Variants in KIRREL3 observed in about 807,000 individuals in gnomAD.
KIRREL3 encodes kirre like nephrin family adhesion molecule 3.
In KIRREL3, 36 loss-of-function variants were observed where a neutral mutation model predicts 89.7. The ratio of observed to expected loss-of-function variants is 0.40; its 90% CI spans 0.31 to 0.53. The LOEUF is 0.53. KIRREL3 is among the 20% of genes least tolerant of loss of function. KIRREL3 has a pLI of 0.49. For synonymous variants in KIRREL3, 445 were observed against 441.4 expected, an observed-to-expected ratio of 1.01 and a Z score of -0.10; for missense variants, 864 against 1,056.6, an observed-to-expected ratio of 0.82 and a Z score of 2.53.
At chr11:126,815,527 T>A (rs1951535655) in intron 1 of KIRREL3, among the ~76,000 whole-genome samples, 1 of 152,154 alleles carries the variant, frequency 6.6e-6, no homozygotes, top group African/African-American at 2.4e-5. Context: ...TGTGAGCTAT[T>A]ATAATTTTAT....
chr11:126,588,642 ATGCTG>A, intron 1 of KIRREL3, among the ~76,000 whole-genome samples: 1 of 152,332 alleles, frequency 6.6e-6, no homozygotes, highest in East Asian at 1.9e-4. Flanking sequence ...AGCATTGAAC[ATGCTG>A]TAACATTCTA....
chr11:126,691,003 T>C (rs1163516173), intron 1 of KIRREL3, among the ~76,000 whole-genome samples: 1 of 152,232 alleles, frequency 6.6e-6, no homozygotes, highest in Non-Finnish European at 1.5e-5. Context: ...AAGTTCTTAT[T>C]TGGATTAAAG....
rs1945913335 is a variant in KIRREL3, at chr11:126,891,359, T to A, written c.55+109096A>T. ...TTCAGACATTGGTGGAAAAAAGATA[T>A]AATTTTAATTATCAGCAGCTCCACT... On this transcript the variant is annotated intron_variant, in intron 1 of 16. Coordinates refer to ENST00000525144, the MANE Select transcript of KIRREL3 (RefSeq NM_032531.4). The surrounding 1 kb of genome is among the most constrained non-coding windows in gnomAD (Gnocchi z 5.1). Among the ~76,000 whole-genome samples, 1 of 152,198 alleles carries A rather than the reference T, an allele frequency of 6.6e-6. No individual in the cohort carries two copies. The highest frequency in any genetic ancestry group is 2.4e-5 in the African/African-American group (1 of 41,446).
chr11:126,728,966 C>A (rs1488898739), intron 1 of KIRREL3, among the ~76,000 whole-genome samples: 1 of 152,344 alleles, frequency 6.6e-6, no homozygotes, highest in East Asian at 1.9e-4. Context: ...AGGGCAATGG[C>A]TGGGCAGTGG....
At chr11:126,512,671 C>T (rs1958262383) in intron 4 of KIRREL3, among the ~76,000 whole-genome samples, 2 of 152,152 alleles carry the variant, frequency 1.3e-5, no homozygotes, top group East Asian at 3.9e-4. Flanking sequence ...CTGACTTTTG[C>T]AAATCTCCAC....
rs188784957 is a variant in KIRREL3, at chr11:126,453,413, G to A, written c.848+2936C>T. 1.3e-3 allele frequency among the ~76,000 whole-genome samples: 204 copies of A among 152,302 alleles called. 1 individual carries two copies. Among genetic ancestry groups the A allele is most frequent in the Non-Finnish European group, 2.7e-3 (181 of 68,026 alleles). The stretch of plus-strand genomic sequence containing the variant: ...TCCAGGCACTGGGATGGAGGAGGGC[G>A]TTATCTCTAGCTTCAGAGATGACAG... On this transcript the variant is annotated intron_variant, in intron 7 of 16. Transcript: ENST00000525144.
At chr11:126,514,301 A>C (rs1040071290) in intron 4 of KIRREL3, among the ~76,000 whole-genome samples, 7 of 152,174 alleles carry the variant, frequency 4.6e-5, no homozygotes, top group Admixed American at 2.0e-4. Context: ...AGCACAAATG[A>C]GATACGGCAC....
intron 1 of KIRREL3, among the ~76,000 whole-genome samples, chr11:126,863,563 G>C (rs1409116492): frequency 6.6e-6 from 1 of 150,394 alleles, no homozygotes; most frequent in African/African-American, 2.5e-5. Flanking sequence ...GCATGTGTGA[G>C]TGTGTTTGAC....
rs547008130 is a variant in KIRREL3 at position 126,900,554 on chromosome 11, G to A, written c.55+99901C>T. Among the ~76,000 whole-genome samples, 5 of 151,772 alleles carry A rather than the reference G, an allele frequency of 3.3e-5. No homozygotes were observed. The South Asian group carries it at 8.3e-4, about 25-fold the overall frequency. On this transcript the variant is annotated intron_variant, in intron 1 of 16. Coordinates refer to ENST00000525144, the MANE Select transcript of KIRREL3 (RefSeq NM_032531.4). This position sits in a 1 kb window ranked among gnomAD's most constrained non-coding sequence, Gnocchi z 4.4. ...CTTCTGAGGCCTGTTTTCTCTGTTGGAAAAAAAATAGATTTAAGATAATGG... is the reference window on the plus strand; with the variant it reads ...CTTCTGAGGCCTGTTTTCTCTGTTGAAAAAAAAATAGATTTAAGATAATGG...
intron 1 of KIRREL3, among the ~76,000 whole-genome samples, chr11:126,779,497 T>C (rs1950263357): frequency 6.6e-6 from 1 of 152,180 alleles, no homozygotes; most frequent in South Asian, 2.1e-4. Flanking sequence ...ATCCTTTTCT[T>C]CTATATTCCC....
In KIRREL3 at chr11:126,876,267, G is replaced by GGAA. The variant is rs1336158934; in HGVS notation, c.55+124185_55+124187dup. Among the ~76,000 whole-genome samples, 1 of 152,186 alleles carries GGAA rather than the reference G, an allele frequency of 6.6e-6. No individual in the cohort carries two copies. Among genetic ancestry groups the GGAA allele is most frequent in the African/African-American group, 2.4e-5 (1 of 41,448 alleles). On this transcript the variant is annotated intron_variant, in intron 1 of 16. Coordinates refer to ENST00000525144, the MANE Select transcript of KIRREL3 (RefSeq NM_032531.4). This position sits in a 1 kb window ranked among gnomAD's most constrained non-coding sequence, Gnocchi z 4.1. Reference sequence around the variant, plus strand: ...GGCTGACCTGCAGAGGTGCTGTTCAGGAAGAAACAGATCTGCTGGAGGCAA... The same window carrying GGAA: ...GGCTGACCTGCAGAGGTGCTGTTCAGGAAGAAGAAACAGATCTGCTGGAGGCAA...
intron 9 of KIRREL3, 53 bp from the exon 10 acceptor site, chr11:126,445,158 T>C: frequency 6.2e-7 from 1 of 1,600,460 alleles, no homozygotes; most frequent in South Asian, 1.1e-5. Flanking sequence ...GGTGCACTCT[T>C]GTCTCTGGGA....
At chr11:126,840,290 G>A (rs1943920021) in intron 1 of KIRREL3, among the ~76,000 whole-genome samples, 1 of 152,174 alleles carries the variant, frequency 6.6e-6, no homozygotes, top group African/African-American at 2.4e-5. Flanking sequence ...AAGCTCATGA[G>A]CATAAGGATT....
rs558389344 is a variant in KIRREL3 at position 126,529,638 on chromosome 11, G to C, written c.134-2951C>G. 5.3e-3 allele frequency among the ~76,000 whole-genome samples: 128 copies of C among 24,380 alleles called. 2 individuals are homozygous for C. Among genetic ancestry groups the C allele is most frequent in the African/African-American group, 0.021 (116 of 5,426 alleles). The allele number at this position is 24,380 out of a possible 152,430, so 16.0% of individuals were successfully genotyped here. A position where few individuals can be genotyped will look rare whatever the true frequency, so the allele number is the denominator to read the frequency against. On this transcript the variant is annotated intron_variant, in intron 2 of 16. Transcript: ENST00000525144. ...AAAAAAGACCTTCCTAGAGCCTCTC[G>C]CATTCTGTCTGCTTGATCCACTTGG...
Position 126,456,233 on chromosome 11 carries a change from G to A in KIRREL3, c.848+116C>T, listed in dbSNP as rs571086548. On this transcript the variant is annotated intron_variant, in intron 7 of 16. Coordinates refer to ENST00000525144, the MANE Select transcript of KIRREL3 (RefSeq NM_032531.4). ...AAGGGAAGAAGGCTACTGGACACGC[G>A]GTGTGGACTAGGCACACACTGCAGC... 78 of 679,156 alleles carry A rather than the reference G, an allele frequency of 1.1e-4. No homozygotes were observed. The East Asian group carries it at 1.9e-3, about 16-fold the overall frequency. 42.1% of individuals were successfully genotyped at this position (679,156 alleles called of 1,614,324 possible).
At position 126,564,809 on chromosome 11, in the gene KIRREL3, C is replaced by T. The variant is rs979610545; in HGVS notation, c.56-1897G>A. ...AGGGGGCCAGTGGAAGTACAAGCTG[C>T]GAGGAGGTGCTGAGCTCCCTGGAAC... On this transcript the variant is annotated intron_variant, in intron 1 of 16. Coordinates refer to ENST00000525144, the MANE Select transcript of KIRREL3 (RefSeq NM_032531.4). The surrounding 1 kb of genome is among the most constrained non-coding windows in gnomAD (Gnocchi z 7.4). Among the ~76,000 whole-genome samples, 6 of 152,158 alleles carry T rather than the reference C, an allele frequency of 3.9e-5. No individual in the cohort carries two copies. The highest frequency in any genetic ancestry group is 5.9e-5 in the Non-Finnish European group (4 of 68,030).
chr11:126,564,685 G>A lies in KIRREL3; in HGVS notation c.56-1773C>T, dbSNP rs1316468519. On this transcript the variant is annotated intron_variant, in intron 1 of 16. Transcript: ENST00000525144. This position sits in a 1 kb window ranked among gnomAD's most constrained non-coding sequence, Gnocchi z 7.4. ...TTTCTTCAGGGGCTCCTGCTCTGTCGCAGGCCTCATGGATCAAAGCCCCTT... is the reference window on the plus strand; with the variant it reads ...TTTCTTCAGGGGCTCCTGCTCTGTCACAGGCCTCATGGATCAAAGCCCCTT... 1.3e-5 allele frequency among the ~76,000 whole-genome samples: 2 copies of A among 152,142 alleles called. No homozygotes were observed. The highest frequency in any genetic ancestry group is 2.9e-5 in the Non-Finnish European group (2 of 68,032).
rs1958584118 is a variant in KIRREL3 at position 126,521,471 on chromosome 11, A to G, written c.284-7T>C. 6.3e-7 allele frequency: 1 copy of G among 1,579,394 alleles called. No homozygotes were observed. ...ACCAGGTACTGTGGGTAACCTGTGG[A>G]GACAACAGGCAGGTCAGGGAGCTGG... On this transcript the variant is annotated splice_region_variant and splice_polypyrimidine_tract_variant and intron_variant, in intron 3 of 16. Transcript: ENST00000525144. The surrounding 1 kb of genome is among the most constrained non-coding windows in gnomAD (Gnocchi z 4.1).
rs974234972 is a variant in KIRREL3, at chr11:126,656,209, C to A, written c.56-93297G>T. On this transcript the variant is annotated intron_variant, in intron 1 of 16. Coordinates refer to ENST00000525144, the MANE Select transcript of KIRREL3 (RefSeq NM_032531.4). This position sits in a 1 kb window ranked among gnomAD's most constrained non-coding sequence, Gnocchi z 4.0. ...AGGGAGGGCTACAGAGTTAGGACTCCGAAGTCAGAAAGATGCCTGTTGGTT... is the reference window on the plus strand; with the variant it reads ...AGGGAGGGCTACAGAGTTAGGACTCAGAAGTCAGAAAGATGCCTGTTGGTT... 1 of 455,288 alleles carries A rather than the reference C, an allele frequency of 2.2e-6. No homozygotes were observed. The allele number at this position is 455,288 out of a possible 1,614,324, so 28.2% of individuals were successfully genotyped here.
Sources: gnomAD v4.1 joint callset for allele counts (sites outside exome capture counted in the v4.1 genomes callset) on GRCh38, gnomAD v4.1.1 for gene constraint, Gnocchi (gnomAD v3.1) non-coding constraint, MANE v1.5 for transcripts, NCBI Gene and HGNC (gene_info 2026-07-23, HGNC 2026-07-21) for gene names.